PRDX4: variants seen among roughly 807,000 people sequenced by gnomAD.
The protein encoded by PRDX4 is peroxiredoxin-4.
PRDX4 carries 12 observed loss-of-function variants against 20.5 expected under a neutral mutation model. The ratio of observed to expected loss-of-function variants is 0.58; its 90% CI spans 0.37 to 0.95. The LOEUF is 0.95. PRDX4 is among the 40% of genes least tolerant of loss of function. The pLI, the probability that PRDX4 is intolerant of heterozygous loss-of-function variation, is 0.01. For missense variants in PRDX4, 180 were observed against 207.3 expected (o/e 0.87, Z 0.81); for synonymous variants, 99 against 87.5 (o/e 1.13, Z -0.73).
intron 3 of PRDX4, among the ~76,000 whole-genome samples, chrX:23,678,144 G>C (rs944481594): frequency 9.1e-6 from 1 of 109,828 alleles, no homozygotes. Flanking sequence ...GCGGGTGCCT[G>C]TAATCCCAGC....
Position 23,667,830 on chromosome X carries a change from A to G in PRDX4, c.241+19A>G. Reference sequence around the variant, plus strand: ...GCGAAGAGTAGGTGGTGTCCCGCCAAAGGGTGGGAGGGGAGATTCCGGAGA... The same window carrying G: ...GCGAAGAGTAGGTGGTGTCCCGCCAGAGGGTGGGAGGGGAGATTCCGGAGA... On this transcript the variant is annotated intron_variant, in intron 1 of 6. Transcript: ENST00000379341. The G allele has an allele frequency of 8.3e-7, 1 of 1,208,026 alleles. No individual in the cohort carries two copies. The highest frequency in any genetic ancestry group is 1.1e-6 in the Non-Finnish European group (1 of 893,380).
rs747507395 is a variant in PRDX4 at position 23,667,761 on chromosome X, C to T, written c.191C>T (p.Ala64Val). ...GGTGGACAAGTGTACCCGGGAGAGG[C>T]ATCCCGGGTATCGGTCGCCGACCAC... ...YAGGQVYPGE[A>V]SRVSVADHSL... is the part of the protein sequence containing the mutation. The change falls in exon 1 of 7, where the codon GCA becomes GTA. Residue 64 changes from alanine to valine, a missense_variant. Ala to Val is a moderately conservative substitution (Grantham distance 64, BLOSUM62 0). Coordinates refer to ENST00000379341, the MANE Select transcript of PRDX4 (RefSeq NM_006406.2). The T allele has an allele frequency of 8.3e-7, 1 of 1,211,419 alleles. No individual in the cohort carries two copies. Among genetic ancestry groups the T allele is most frequent in the Non-Finnish European group, 1.1e-6 (1 of 895,223 alleles).
intron 2 of PRDX4, among the ~76,000 whole-genome samples, chrX:23,672,084 A>T (rs758571482): frequency 9.0e-6 from 1 of 111,466 alleles, no homozygotes; most frequent in Non-Finnish European, 1.9e-5. Flanking sequence ...AACATGGTAA[A>T]ACCCCATCTC....
At chrX:23,678,533 G>C (rs905129351) in intron 3 of PRDX4, among the ~76,000 whole-genome samples, 2 of 110,518 alleles carry the variant, frequency 1.8e-5, no homozygotes, top group African/African-American at 6.6e-5. Context: ...GGGAAGCTGA[G>C]GCAGGAGAAT....
rs923565823 is a variant in PRDX4, at chrX:23,683,770, C to T, written c.765+65C>T. The T allele has an allele frequency of 1.9e-5, 19 of 1,008,683 alleles. No individual in the cohort carries two copies. In the African/African-American group the frequency reaches 2.1e-4, roughly 11 times the overall value. The allele number at this position is 1,008,683 out of a possible 1,213,427, so 83.1% of individuals were successfully genotyped here. On this transcript the variant is annotated intron_variant, in intron 6 of 6. Coordinates refer to ENST00000379341, the MANE Select transcript of PRDX4 (RefSeq NM_006406.2). ...AGAGTTGAAAAAAATGCTGGCCGGG[C>T]GCAGTGGCTCACGCCTGTAATCCCA...
At chrX:23,679,556 T>C (rs1928021259) in intron 4 of PRDX4, among the ~76,000 whole-genome samples, 1 of 109,104 alleles carries the variant, frequency 9.2e-6, no homozygotes, top group Non-Finnish European at 1.9e-5. Context: ...CATGGTGGCG[T>C]ATGCCTGTAG....
intron 3 of PRDX4, 79 bp downstream of exon 3, chrX:23,675,185 G>A (rs1369456472): frequency 1.7e-6 from 2 of 1,202,390 alleles, no homozygotes; most frequent in Admixed American, 4.4e-5. Context: ...CTCTTGATAT[G>A]ATATAAGAAT....
At chrX:23,670,221 T>C (rs1292152103) in intron 1 of PRDX4, among the ~76,000 whole-genome samples, 1 of 112,151 alleles carries the variant, frequency 8.9e-6, no homozygotes, top group Non-Finnish European at 1.9e-5. Context: ...TTTTCAAATA[T>C]GGTTTTCCCA....
intron 2 of PRDX4, 131 bp from the exon 3 acceptor site, chrX:23,674,859 A>G (rs1283056086): frequency 1.1e-6 from 1 of 894,966 alleles, no homozygotes; most frequent in African/African-American, 2.0e-5. Flanking sequence ...CCATTTTGAA[A>G]AGGTTCAAAT....
At chrX:23,680,745 AT>A (rs972545993) in intron 4 of PRDX4, among the ~76,000 whole-genome samples, 57 of 108,081 alleles carry the variant, frequency 5.3e-4, no homozygotes, top group Admixed American at 4.7e-3. Flanking sequence ...AAAAAAAATA[AT>A]TTTTTTTTGT....
chrX:23,678,896 G>A (rs763076955), intron 3 of PRDX4, among the ~76,000 whole-genome samples: 38 of 111,457 alleles, frequency 3.4e-4, no homozygotes, highest in Non-Finnish European at 6.0e-4. Context: ...CTATGATCAC[G>A]TCACTGCCCT....
intron 2 of PRDX4, among the ~76,000 whole-genome samples, chrX:23,671,920 T>C (rs1449145848): frequency 8.9e-6 from 1 of 112,325 alleles, no homozygotes; most frequent in African/African-American, 3.2e-5. Context: ...GAAAATGGAC[T>C]GATAATATAT....
chrX:23,674,945 G>A (rs777994414), intron 2 of PRDX4, 45 bp from the exon 3 acceptor site: 1 of 1,183,497 alleles, frequency 8.4e-7, no homozygotes, highest in South Asian at 1.9e-5. Flanking sequence ...TTAGGTATAT[G>A]CTTATTTGGA....
chrX:23,676,136 CAAAAAAAAAAAAAAAAAA>C (rs55792240), intron 3 of PRDX4, among the ~76,000 whole-genome samples: 1 of 54,999 alleles, frequency 1.8e-5, no homozygotes. Flanking sequence ...AACTCCATCT[CAAAAAAAAAAAAAAAAAA>C]AAAAAAAAAA....
chrX:23,675,119 C>A lies in PRDX4; in HGVS notation c.476+13C>A, dbSNP rs753313515. On this transcript the variant is annotated intron_variant, in intron 3 of 6. Transcript: ENST00000379341. ...CCCATTTGGCCTGGTCAGTATCTTA[C>A]ACTTATATTCGTAGAAAAAAAAGAA... The A allele has an allele frequency of 7.4e-6, 9 of 1,209,393 alleles. No individual in the cohort carries two copies. The highest frequency in any genetic ancestry group is 1.0e-5 in the Non-Finnish European group (9 of 895,026).
Position 23,679,267 on chromosome X carries a change from G to A in PRDX4, c.579G>A (p.Glu193=), listed in dbSNP as rs373589390. ...CAAAGGACTATGGTGTATACCTAGAGGACTCAGGCCACACTCTTAGGTACC... is the reference window on the plus strand; with the variant it reads ...CAAAGGACTATGGTGTATACCTAGAAGACTCAGGCCACACTCTTAGGTACC... ...QISKDYGVYL[E]DSGHTLRGLF... Residue 193 remains glutamate (E), a synonymous_variant, in exon 4 of 7, where the codon GAG becomes GAA. Coordinates refer to ENST00000379341, the MANE Select transcript of PRDX4 (RefSeq NM_006406.2). 1.1e-4 allele frequency: 130 copies of A among 1,203,964 alleles called. No homozygotes were observed. Among genetic ancestry groups the A allele is most frequent in the Non-Finnish European group, 1.4e-4 (126 of 891,651 alleles).
intron 4 of PRDX4, among the ~76,000 whole-genome samples, chrX:23,681,217 C>T (rs1402780038): frequency 1.2e-5 from 1 of 84,297 alleles, no homozygotes; most frequent in Non-Finnish European, 2.3e-5. Flanking sequence ...TGGGCGACAG[C>T]GAGACTCCGT....
intron 5 of PRDX4, among the ~76,000 whole-genome samples, chrX:23,682,859 T>A (rs866293656): frequency 2.1e-3 from 131 of 61,703 alleles, no homozygotes; most frequent in African/African-American, 3.8e-3. Context: ...AAAAAATATA[T>A]ATATATATAT....
chrX:23,679,193 C>T lies in PRDX4; in HGVS notation c.505C>T (p.Leu169Phe). Reference protein sequence around the residue: ...WINTPRRQGGLGPIRIPLLSD... With the variant: ...WINTPRRQGGFGPIRIPLLSD... ...TAATACCCCTCGAAGACAAGGAGGA[C>T]TTGGGCCAATAAGGATTCCACTTCT... The change falls in exon 4 of 7, where the codon CTT becomes TTT. Residue 169 changes from leucine (L) to phenylalanine (F), a missense_variant. Transcript: ENST00000379341. 1 of 1,208,687 alleles carries T rather than the reference C, an allele frequency of 8.3e-7. No homozygotes were observed. The highest frequency in any genetic ancestry group is 1.1e-6 in the Non-Finnish European group (1 of 893,148).
Sources: allele counts gnomAD v4.1 joint callset (sites outside exome capture counted in the v4.1 genomes callset), GRCh38; gene constraint gnomAD v4.1.1; transcripts MANE v1.5; gene names NCBI Gene and HGNC (gene_info 2026-07-23, HGNC 2026-07-21).